Variants in CEP83 observed in about 807,000 individuals in gnomAD.
The protein encoded by CEP83 is centrosomal protein of 83 kDa.
Under a neutral mutation model 101.9 loss-of-function variants are expected in CEP83, and 70 were observed. The observed-to-expected ratio is 0.69, with a 90% CI of 0.57 to 0.84. The LOEUF (loss-of-function observed/expected upper bound fraction) is 0.84. CEP83 is among the 40% of genes least tolerant of loss of function. The probability of loss-of-function intolerance (pLI) is 0.00; values close to 1 mark genes in which losing one functional copy is unlikely to be tolerated. For missense variants in CEP83, 715 were observed against 787.2 expected (o/e 0.91, Z 1.10); for synonymous variants, 264 against 267.9 (o/e 0.99, Z 0.14).
chr12:94,394,552 G>A lies in CEP83; in HGVS notation c.549+6298C>T, dbSNP rs555069451. On this transcript the variant is annotated intron_variant, in intron 6 of 16. Transcript: ENST00000397809. ...AGAAAACCTAGGCAATACCATTCAG[G>A]ACATAGGCATGGGCAAGGACTTCAT... 3.9e-5 allele frequency among the ~76,000 whole-genome samples: 6 copies of A among 152,234 alleles called. No individual in the cohort carries two copies. In the South Asian group the frequency reaches 8.3e-4, roughly 21 times the overall value.
At chr12:94,454,713 G>T (rs1022179398) in intron 1 of CEP83, among the ~76,000 whole-genome samples, 26 of 152,206 alleles carry the variant, frequency 1.7e-4, no homozygotes, top group African/African-American at 5.8e-4. Context: ...TTTATGAGCT[G>T]TAACACTCAC....
rs111831379 is a variant in CEP83, at chr12:94,379,731, G to A, written c.550-689C>T. 1.2e-3 allele frequency among the ~76,000 whole-genome samples: 175 copies of A among 152,076 alleles called. 2 individuals carry two copies. Among genetic ancestry groups the A allele is most frequent in the Non-Finnish European group, 1.9e-3 (128 of 67,986 alleles). On this transcript the variant is annotated intron_variant, in intron 6 of 16. Coordinates refer to ENST00000397809, the MANE Select transcript of CEP83 (RefSeq NM_016122.3). ...GGACTTCGTGGGCCTCCAAATCAGT[G>A]GGTTTCAAACTGTTTCCTAACCTCT...
chr12:94,326,263 C>G (rs1038457853), intron 14 of CEP83, among the ~76,000 whole-genome samples: 1 of 152,170 alleles, frequency 6.6e-6, no homozygotes, highest in African/African-American at 2.4e-5. Context: ...GCATTTCTCC[C>G]ATTTGGCTAT....
At chr12:94,414,301 A>G (rs1168099900) in intron 2 of CEP83, among the ~76,000 whole-genome samples, 2 of 152,232 alleles carry the variant, frequency 1.3e-5, no homozygotes, top group African/African-American at 4.8e-5. Flanking sequence ...GTAAAATGCT[A>G]TCAAATAGAA....
intron 13 of CEP83, among the ~76,000 whole-genome samples, chr12:94,333,133 AAAAAC>A (rs1282475640): frequency 4.6e-5 from 7 of 151,846 alleles, no homozygotes; most frequent in Non-Finnish European, 1.0e-4. Context: ...TTTGCACATC[AAAAAC>A]AAAACAAAAA....
At position 94,425,790 on chromosome 12, in the gene CEP83, G is replaced by A. The variant is rs141580038; in HGVS notation, c.-102+9485C>T. Reference sequence around the variant, plus strand: ...AGCAAAGAATATTTATGCTGTAGCTGGCAAAATGGGAGATTTTAATAGCTA... The same window carrying A: ...AGCAAAGAATATTTATGCTGTAGCTAGCAAAATGGGAGATTTTAATAGCTA... On this transcript the variant is annotated intron_variant, in intron 2 of 16. Transcript: ENST00000397809. Among the ~76,000 whole-genome samples the A allele has an allele frequency of 2.6e-5, 4 of 152,238 alleles. No individual in the cohort carries two copies. The East Asian group carries it at 7.7e-4, about 29-fold the overall frequency.
At chr12:94,389,750 A>G (rs1300184896) in intron 6 of CEP83, among the ~76,000 whole-genome samples, 1 of 152,222 alleles carries the variant, frequency 6.6e-6, no homozygotes, top group African/African-American at 2.4e-5. Context: ...CTGGAAAAAC[A>G]GGACACTCCT....
At chr12:94,295,650 A>T in the CEP83 span, among the ~76,000 whole-genome samples, 110 of 152,236 alleles carry the variant, frequency 7.2e-4, 1 homozygote, top group Admixed American at 2.0e-3. Flanking sequence ...TCAAAATCCC[A>T]ACGCTGGATG....
At chr12:94,452,889 T>TA (rs796489741) in intron 1 of CEP83, among the ~76,000 whole-genome samples, 30 of 152,308 alleles carry the variant, frequency 2.0e-4, no homozygotes, top group African/African-American at 6.7e-4. Flanking sequence ...TTCAAAAAGT[T>TA]ACGCAGCTAG....
intron 1 of CEP83, among the ~76,000 whole-genome samples, chr12:94,438,846 A>ATT (rs2066190713): frequency 6.6e-6 from 1 of 152,246 alleles, no homozygotes; most frequent in Admixed American, 6.5e-5. Flanking sequence ...CAGCAGAATA[A>ATT]AACTAGAAAT....
In CEP83 at chr12:94,310,003, G is replaced by A. The variant is rs1394408339; in HGVS notation, c.1916C>T (p.Pro639Leu). ...FRSLILVPNM[P>L]PTASINPVSF... ...AACAGGATTGATAGATGCTGTTGGA[G>A]GCATGTTAGGAACCAAAATTAGACT... The change falls in exon 16 of 17, where the codon CCT (proline) becomes CTT (leucine). Residue 639 changes from proline to leucine, a missense_variant. Pro to Leu is a moderately conservative substitution (Grantham distance 98). Transcript: ENST00000397809. 1.9e-6 allele frequency: 3 copies of A among 1,612,252 alleles called. No individual in the cohort carries two copies. Among genetic ancestry groups the A allele is most frequent in the Non-Finnish European group, 2.5e-6 (3 of 1,178,804 alleles).
At chr12:94,347,049 A>AC (rs1342554641) in intron 11 of CEP83, among the ~76,000 whole-genome samples, 1 of 122,676 alleles carries the variant, frequency 8.2e-6, no homozygotes, top group African/African-American at 3.1e-5. Context: ...AAAAATAAAC[A>AC]AATATATATA....
intron 11 of CEP83, among the ~76,000 whole-genome samples, chr12:94,359,291 A>G (rs547110605): frequency 8.1e-4 from 123 of 152,328 alleles, no homozygotes; most frequent in African/African-American, 2.3e-3. Flanking sequence ...GGTCTCCCCA[A>G]CTGAGCTGGT....
intron 14 of CEP83, among the ~76,000 whole-genome samples, chr12:94,322,730 CA>C (rs1459627561): frequency 6.6e-6 from 1 of 152,190 alleles, no homozygotes; most frequent in Non-Finnish European, 1.5e-5. Flanking sequence ...TGCTCTGTAC[CA>C]GGGGATCACT....
At position 94,367,846 on chromosome 12, in the gene CEP83, G is replaced by A. The variant is rs111647062; in HGVS notation, c.1291C>T (p.Arg431Trp). The change falls in exon 11 of 17, where the codon CGG becomes TGG. Residue 431 changes from arginine to tryptophan, a missense_variant. Physicochemically the swap from Arg to Trp is moderately radical, Grantham distance 101 (BLOSUM62 -3). Transcript: ENST00000397809. ...SEKDQYEEKL[R>W]ASQMAEEITR... is the part of the protein sequence containing the mutation. ...ATCTCTTCTGCCATCTGTGAAGCCC[G>A]CAATTTCTCTTCATACTGATCCTTT... The A allele has an allele frequency of 2.9e-4, 471 of 1,613,296 alleles. No homozygotes were observed. The highest frequency in any genetic ancestry group is 3.5e-4 in the Non-Finnish European group (415 of 1,179,668).
the CEP83 span, among the ~76,000 whole-genome samples, chr12:94,285,133 G>A: frequency 2.6e-5 from 4 of 152,204 alleles, no homozygotes; most frequent in African/African-American, 4.8e-5. Context: ...TGACTGTGCA[G>A]ATGCCTGGAG....
At chr12:94,349,029 T>C (rs1264791946) in intron 11 of CEP83, among the ~76,000 whole-genome samples, 1 of 152,078 alleles carries the variant, frequency 6.6e-6, no homozygotes, top group Non-Finnish European at 1.5e-5. Context: ...CTCACACTTG[T>C]AATCCCAGCA....
intron 2 of CEP83, among the ~76,000 whole-genome samples, chr12:94,416,992 A>T (rs948263755): frequency 6.6e-6 from 1 of 152,104 alleles, no homozygotes; most frequent in South Asian, 2.1e-4. Flanking sequence ...TCCCAAAAAA[A>T]ACTAAGGTGT....
the CEP83 span, chr12:94,282,261 A>C: frequency 7.0e-7 from 1 of 1,424,440 alleles, no homozygotes; most frequent in Non-Finnish European, 9.8e-7. Flanking sequence ...GTGGCATTTT[A>C]AAACTCTCTA....
Sources: gnomAD v4.1 joint callset for allele counts (sites outside exome capture counted in the v4.1 genomes callset) on GRCh38, gnomAD v4.1.1 for gene constraint, MANE v1.5 for transcripts, NCBI Gene and HGNC (gene_info 2026-07-23, HGNC 2026-07-21) for gene names.